The following ST6GALNAC3 variants were observed in gnomAD, a reference collection of about 807,000 sequenced individuals.
ST6GALNAC3 encodes alpha-N-acetylgalactosaminide alpha-2,6-sialyltransferase 3.
Under a neutral mutation model 32.7 loss-of-function variants are expected in ST6GALNAC3, and 25 were observed. The ratio of observed to expected loss-of-function variants is 0.76; its 90% CI spans 0.56 to 1.07. The LOEUF (loss-of-function observed/expected upper bound fraction) is 1.07. Ranked by LOEUF, ST6GALNAC3 falls within the 50% of genes least tolerant of loss-of-function variation. The pLI is 0.00. For missense variants in ST6GALNAC3, 355 were observed against 382.4 expected, an observed-to-expected ratio of 0.93 and a Z score of 0.60; for synonymous variants, 129 against 133.1, an observed-to-expected ratio of 0.97 and a Z score of 0.21.
At chr1:76,128,332 G>A (rs544579288) in intron 1 of ST6GALNAC3, among the ~76,000 whole-genome samples, 4 of 152,300 alleles carry the variant, frequency 2.6e-5, no homozygotes, top group South Asian at 2.1e-4. Flanking sequence ...AGAACACCCC[G>A]TTCCCTCCTC....
At chr1:76,452,594 A>T (rs894019773) in intron 3 of ST6GALNAC3, among the ~76,000 whole-genome samples, 10 of 152,100 alleles carry the variant, frequency 6.6e-5, no homozygotes, top group Non-Finnish European at 1.5e-4. Flanking sequence ...TAACTTGTGG[A>T]TGTTAAACTA....
At position 76,628,939 on chromosome 1, in the gene ST6GALNAC3, A is replaced by G; in HGVS notation, c.*133A>G. ...GATTATCAAGTTCCTGTACACTCTC[A>G]GATGTGGATGGTGACTCTGCTAGTA... On this transcript the variant is annotated 3_prime_UTR_variant, in exon 5 of 5. Coordinates refer to ENST00000328299, the MANE Select transcript of ST6GALNAC3 (RefSeq NM_152996.4). 1 of 1,481,452 alleles carries G rather than the reference A, an allele frequency of 6.8e-7. No homozygotes were observed. Among genetic ancestry groups the G allele is most frequent in the Non-Finnish European group, 8.9e-7 (1 of 1,126,534 alleles). 91.8% of individuals were successfully genotyped at this position (1,481,452 alleles called of 1,614,324 possible). A position where few individuals can be genotyped will look rare whatever the true frequency, so the allele number is the denominator to read the frequency against.
chr1:76,412,859 A>G (rs1198944628), intron 3 of ST6GALNAC3: 2 of 203,560 alleles, frequency 9.8e-6, no homozygotes, highest in African/African-American at 2.4e-5. Context: ...TGATTCTCCA[A>G]TAAGATTGTG....
intron 3 of ST6GALNAC3, among the ~76,000 whole-genome samples, chr1:76,475,278 G>A (rs1016824569): frequency 7.2e-5 from 11 of 152,158 alleles, no homozygotes; most frequent in African/African-American, 1.9e-4. Flanking sequence ...ACTGAGTTTA[G>A]GTCCTTGTCC....
intron 3 of ST6GALNAC3, among the ~76,000 whole-genome samples, chr1:76,625,785 T>C (rs1047420910): frequency 6.6e-6 from 1 of 151,902 alleles, no homozygotes; most frequent in Non-Finnish European, 1.5e-5. Context: ...CATCTATTGC[T>C]GCCCCATGTT....
chr1:76,492,149 CTCTT>C (rs1660541671), intron 3 of ST6GALNAC3, among the ~76,000 whole-genome samples: 4 of 152,206 alleles, frequency 2.6e-5, no homozygotes, highest in African/African-American at 7.2e-5. Flanking sequence ...CATGTCTTCA[CTCTT>C]TCCCTGACTG....
rs138873968 is a variant in ST6GALNAC3 at position 76,156,417 on chromosome 1, C to T, written c.18+81533C>T. 4.6e-5 allele frequency among the ~76,000 whole-genome samples: 7 copies of T among 152,284 alleles called. No individual in the cohort carries two copies. The East Asian group carries it at 1.2e-3, about 25-fold the overall frequency. ...TAAACATTTTTGAAATTTCTCTGCA[C>T]AGAAAATTTCTCTCTTCTTCCCCAT... On this transcript the variant is annotated intron_variant, in intron 1 of 4. Transcript: ENST00000328299.
At chr1:76,550,371 G>A (rs778890041) in intron 3 of ST6GALNAC3, among the ~76,000 whole-genome samples, 8 of 151,926 alleles carry the variant, frequency 5.3e-5, no homozygotes, top group Non-Finnish European at 1.0e-4. Context: ...TTTATTTTTT[G>A]CTGCATAGGT....
At chr1:76,259,497 G>A (rs1221387651) in intron 1 of ST6GALNAC3, among the ~76,000 whole-genome samples, 1 of 152,168 alleles carries the variant, frequency 6.6e-6, no homozygotes, top group Non-Finnish European at 1.5e-5. Context: ...TGCAATAAAT[G>A]TTGGCTATTA....
At chr1:76,615,813 G>A (rs567772903) in intron 3 of ST6GALNAC3, among the ~76,000 whole-genome samples, 29 of 152,090 alleles carry the variant, frequency 1.9e-4, no homozygotes, top group East Asian at 1.2e-3. Flanking sequence ...GGCTTCTCCC[G>A]GTCAACAAAA....
chr1:76,102,541 C>T (rs1443529509), intron 1 of ST6GALNAC3, among the ~76,000 whole-genome samples: 2 of 151,892 alleles, frequency 1.3e-5, no homozygotes, highest in African/African-American at 4.8e-5. Context: ...TTTAACCATT[C>T]CACTTTTTAT....
At chr1:76,616,741 T>G (rs528624642) in intron 3 of ST6GALNAC3, among the ~76,000 whole-genome samples, 4 of 152,040 alleles carry the variant, frequency 2.6e-5, no homozygotes, top group Admixed American at 2.0e-4. Context: ...GTGAGCCTGA[T>G]TTAAAAAAAA....
At chr1:76,153,551 G>A (rs1001420010) in intron 1 of ST6GALNAC3, among the ~76,000 whole-genome samples, 1 of 152,122 alleles carries the variant, frequency 6.6e-6, no homozygotes, top group African/African-American at 2.4e-5. Flanking sequence ...GGGATTTCAA[G>A]CATGGCTATT....
chr1:76,317,677 C>T (rs1304803856), intron 2 of ST6GALNAC3, among the ~76,000 whole-genome samples: 1 of 152,080 alleles, frequency 6.6e-6, no homozygotes, highest in Admixed American at 6.6e-5. Context: ...ATTTCCAGAC[C>T]TAGAGCATCT....
chr1:76,169,697 GA>G (rs1178424194), intron 1 of ST6GALNAC3, among the ~76,000 whole-genome samples: 7 of 151,994 alleles, frequency 4.6e-5, no homozygotes, highest in Non-Finnish European at 2.9e-5. Context: ...TCTTATTTCG[GA>G]AAGCCAGTCG....
At chr1:76,135,660 C>T (rs1649897997) in intron 1 of ST6GALNAC3, among the ~76,000 whole-genome samples, 1 of 152,136 alleles carries the variant, frequency 6.6e-6, no homozygotes, top group Non-Finnish European at 1.5e-5. Context: ...CATGTTGTGA[C>T]GCAAATCGAA....
chr1:76,313,588 A>T (rs751408358), intron 1 of ST6GALNAC3: 1 of 664,580 alleles, frequency 1.5e-6, no homozygotes, highest in Non-Finnish European at 2.7e-6. Context: ...GCAATGGAAG[A>T]GTTCAAGAAA....
intron 1 of ST6GALNAC3, among the ~76,000 whole-genome samples, chr1:76,139,466 G>A (rs947008240): frequency 4.6e-5 from 7 of 151,988 alleles, no homozygotes; most frequent in East Asian, 1.9e-4. Context: ...ATGCTCATTC[G>A]GCAACAGTGG....
intron 3 of ST6GALNAC3, among the ~76,000 whole-genome samples, chr1:76,540,315 A>G (rs1045100959): frequency 6.6e-6 from 1 of 152,114 alleles, no homozygotes; most frequent in African/African-American, 2.4e-5. Flanking sequence ...ATGAGAACAT[A>G]TGGACACAAA....
Sources: gnomAD v4.1 joint callset for allele counts (sites outside exome capture counted in the v4.1 genomes callset) on GRCh38, gnomAD v4.1.1 for gene constraint, MANE v1.5 for transcripts, NCBI Gene and HGNC (gene_info 2026-07-23, HGNC 2026-07-21) for gene names.